BAIAP3: variants seen among roughly 807,000 people sequenced by gnomAD.
BAIAP3 encodes BAI1 associated protein 3, also known as BAI1-associated protein 3.
BAIAP3 carries 180 observed loss-of-function variants against 149.7 expected under a neutral mutation model. The ratio of observed to expected loss-of-function variants is 1.20; its 90% CI spans 1.07 to 1.36. BAIAP3 has a LOEUF of 1.36. Among genes scored for constraint, BAIAP3 ranks in the 40% most tolerant of loss-of-function variants. The pLI, the probability that BAIAP3 is intolerant of heterozygous loss-of-function variation, is 0.00. For synonymous variants in BAIAP3, 845 were observed against 670.7 expected (o/e 1.26, Z -4.02); for missense variants, 1,767 against 1,563.4 (o/e 1.13, Z -2.20).
chr16:1,342,366 T>C, intron 11 of BAIAP3, 83 bp downstream of exon 11: 3 of 1,471,372 alleles, frequency 2.0e-6, no homozygotes, highest in Non-Finnish European at 2.8e-6. Flanking sequence ...GGGCACTGCC[T>C]GGAGAAGCTC....
intron 4 of BAIAP3, 45 bp downstream of exon 4, chr16:1,339,289 G>A (rs1189361123): frequency 1.3e-6 from 2 of 1,543,138 alleles, no homozygotes; most frequent in Non-Finnish European, 1.7e-6. Context: ...TGCAGCGGCT[G>A]CTCCCTCAGC....
chr16:1,333,723 GC>G lies in BAIAP3; in HGVS notation c.-30del, dbSNP rs144673457. 76,935 of 151,426 alleles carry G rather than the reference GC, an allele frequency of 0.51. 21,177 individuals are homozygous for G. Among genetic ancestry groups the G allele is most frequent in the East Asian group, 0.79 (3,983 of 5,066 alleles). 9.4% of individuals were successfully genotyped at this position (151,426 alleles called of 1,614,324 possible). On this transcript the variant is annotated 5_prime_UTR_variant, in exon 1 of 34. Transcript: ENST00000426824. Reference sequence around the variant, plus strand: ...TGGTGCCGAGCGCAGCGCCCCAGGAGCCCCCCCATCCCCGCGCCGGCCCACG... The same window carrying G: ...TGGTGCCGAGCGCAGCGCCCCAGGAGCCCCCCATCCCCGCGCCGGCCCACG...
chr16:1,340,404 ATG>A (rs1428667845), intron 5 of BAIAP3, among the ~76,000 whole-genome samples: 2 of 99,320 alleles, frequency 2.0e-5, no homozygotes, highest in Admixed American at 1.2e-4. Context: ...GTGCACACAG[ATG>A]CACGCACATA....
rs770133039 is a variant in BAIAP3, at chr16:1,344,236, C to G, written c.1521C>G (p.Gly507=). 3 of 1,613,356 alleles carry G rather than the reference C, an allele frequency of 1.9e-6. No individual in the cohort carries two copies. The African/African-American group carries it at 4.0e-5, about 22-fold the overall frequency. The change falls in exon 17 of 34, where the codon GGC becomes GGG. Residue 507 remains glycine (G), a synonymous_variant. Transcript: ENST00000426824. The part of the protein sequence containing the change: ...HRLELLLKCL[G]KLQLFQPSFE... Reference sequence around the variant, plus strand: ...TGCTGCCCCCACCCAGGTGTCTGGGCAAGCTGCAGCTCTTCCAACCCTCCT... The same window carrying G: ...TGCTGCCCCCACCCAGGTGTCTGGGGAAGCTGCAGCTCTTCCAACCCTCCT...
At position 1,345,794 on chromosome 16, in the gene BAIAP3, T is replaced by A. The variant is rs765028461; in HGVS notation, c.2112T>A (p.Thr704=). 1 of 1,569,182 alleles carries A rather than the reference T, an allele frequency of 6.4e-7. No homozygotes were observed. Among genetic ancestry groups the A allele is most frequent in the Non-Finnish European group, 8.6e-7 (1 of 1,162,680 alleles). ...CCAGGCACAGCAGCTCCGCAGCCACTGCTGGTCTCTGCCTCAGCCACATCC... is the reference window on the plus strand; with the variant it reads ...CCAGGCACAGCAGCTCCGCAGCCACAGCTGGTCTCTGCCTCAGCCACATCC... ...ASSRHSSSAA[T]AGLCLSHIQE... is the part of the protein sequence containing the mutation. The change falls in exon 23 of 34, where the codon ACT becomes ACA. Residue 704 remains threonine, a synonymous_variant. Coordinates refer to ENST00000426824, the MANE Select transcript of BAIAP3 (RefSeq NM_001199097.2).
Position 1,336,369 on chromosome 16 carries a change from A to C in BAIAP3, c.-10-2171A>C, listed in dbSNP as rs180784689. 1,363 of 985,370 alleles carry C rather than the reference A, an allele frequency of 1.4e-3. 5 individuals carry two copies. The highest frequency in any genetic ancestry group is 1.8e-3 in the Admixed American group (29 of 16,272). 61.0% of individuals were successfully genotyped at this position (985,370 alleles called of 1,614,324 possible). ...CCCCCATCTTTTGGGGGGGAGGCTCACAGGGGAAGGCACTGATAGGTTTGA... is the reference window on the plus strand; with the variant it reads ...CCCCCATCTTTTGGGGGGGAGGCTCCCAGGGGAAGGCACTGATAGGTTTGA... On this transcript the variant is annotated intron_variant, in intron 1 of 33. Coordinates refer to ENST00000426824, the MANE Select transcript of BAIAP3 (RefSeq NM_001199097.2).
Position 1,342,980 on chromosome 16 carries a change from C to G in BAIAP3, c.1229C>G (p.Ala410Gly), listed in dbSNP as rs745523128. The G allele has an allele frequency of 6.2e-7, 1 of 1,611,342 alleles. No homozygotes were observed. Among genetic ancestry groups the G allele is most frequent in the Non-Finnish European group, 8.5e-7 (1 of 1,179,968 alleles). ...PAATILCLHG[A>G]QSNLSPLQLA... ...GCCACCATCCTCTGCCTGCACGGAG[C>G]CCAGAGCAACCTGTCACCCTTGCAG... The change falls in exon 14 of 34, where the codon GCC (alanine) becomes GGC (glycine). Residue 410 changes from alanine to glycine, a missense_variant. Transcript: ENST00000426824.
Position 1,346,622 on chromosome 16 carries a change from G to T in BAIAP3, c.2580G>T (p.Met860Ile). 1 of 1,483,034 alleles carries T rather than the reference G, an allele frequency of 6.7e-7. No individual in the cohort carries two copies. The highest frequency in any genetic ancestry group is 9.0e-7 in the Non-Finnish European group (1 of 1,106,070). The allele number at this position is 1,483,034 out of a possible 1,614,324, so 91.9% of individuals were successfully genotyped here. A position where few individuals can be genotyped will look rare whatever the true frequency, so the allele number is the denominator to read the frequency against. ...IQNDEAVAPL[M>I]KYLDEKLALL... is the part of the protein sequence containing the mutation. Reference sequence around the variant, plus strand: ...GCCCGCAGGCCGTGGCCCCGCTCATGAAGTACCTGGATGAGAAGCTGGCCC... The same window carrying T: ...GCCCGCAGGCCGTGGCCCCGCTCATTAAGTACCTGGATGAGAAGCTGGCCC... Residue 860 changes from methionine (M) to isoleucine (I), a missense_variant, in exon 27 of 34, where the codon ATG becomes ATT. Physicochemically the swap from Met to Ile is conservative, Grantham distance 10 (BLOSUM62 1). Transcript: ENST00000426824.
chr16:1,341,873 G>T lies in BAIAP3; in HGVS notation c.776+7G>T, dbSNP rs569479086. On this transcript the variant is annotated splice_region_variant and intron_variant, in intron 9 of 33. Transcript: ENST00000426824. ...AGCTGCACCTGGACATCTGGTACAGGCCCCTGCGCCATGCAGGGCGGCGGG... is the reference window on the plus strand; with the variant it reads ...AGCTGCACCTGGACATCTGGTACAGTCCCCTGCGCCATGCAGGGCGGCGGG... 6.2e-7 allele frequency: 1 copy of T among 1,610,922 alleles called. No individual in the cohort carries two copies. Among genetic ancestry groups the T allele is most frequent in the Non-Finnish European group, 8.5e-7 (1 of 1,179,262 alleles).
rs769222946 is a variant in BAIAP3 at position 1,342,931 on chromosome 16, C to T, written c.1180C>T (p.Arg394Ter). ...SAEEPNSSSW[R>*]GELSTPAATI... is the part of the protein sequence containing the mutation. ...CCCCCAGCCCAACTCCAGCAGCTGGCGAGGAGAGCTCAGCACACCAGCCGC... is the reference window on the plus strand; with the variant it reads ...CCCCCAGCCCAACTCCAGCAGCTGGTGAGGAGAGCTCAGCACACCAGCCGC... The change falls in exon 14 of 34, where the codon CGA becomes TGA. Residue 394 changes from arginine (R) to a stop codon, truncating the protein, a stop_gained. Transcript: ENST00000426824. LOFTEE classifies it high-confidence loss of function. 6.2e-7 allele frequency: 1 copy of T among 1,612,220 alleles called. No individual in the cohort carries two copies. The highest frequency in any genetic ancestry group is 8.5e-7 in the Non-Finnish European group (1 of 1,179,976).
intron 19 of BAIAP3, 48 bp from the exon 20 acceptor site, chr16:1,344,750 G>A (rs377075715): frequency 2.0e-5 from 27 of 1,355,016 alleles, no homozygotes; most frequent in Non-Finnish European, 2.7e-5. Context: ...AGCCAACAGG[G>A]CCTGCAGGTG....
chr16:1,344,517 C>G lies in BAIAP3; in HGVS notation c.1651C>G (p.Arg551Gly), dbSNP rs772185084. Reference protein sequence around the residue: ...YDRILNDKSPREQPGPQRLPG... With the variant: ...YDRILNDKSPGEQPGPQRLPG... Reference sequence around the variant, plus strand: ...CAGGATCCTGAATGACAAGAGTCCCCGAGAGCAGGTGCAGTTGTGGGGGAC... The same window carrying G: ...CAGGATCCTGAATGACAAGAGTCCCGGAGAGCAGGTGCAGTTGTGGGGGAC... The change falls in exon 18 of 34, where the codon CGA becomes GGA. Residue 551 changes from arginine (R) to glycine (G), a missense_variant. Arg to Gly is a moderately radical substitution (Grantham distance 125, BLOSUM62 -2). Coordinates refer to ENST00000426824, the MANE Select transcript of BAIAP3 (RefSeq NM_001199097.2). 6.2e-7 allele frequency: 1 copy of G among 1,612,970 alleles called. No individual in the cohort carries two copies. Among genetic ancestry groups the G allele is most frequent in the South Asian group, 1.1e-5 (1 of 91,050 alleles).
intron 1 of BAIAP3, chr16:1,334,449 C>T: frequency 1.7e-6 from 1 of 576,558 alleles, no homozygotes; most frequent in Non-Finnish European, 3.1e-6. Flanking sequence ...AAGGGGGTGC[C>T]GCGAGGCGGG....
chr16:1,345,225 G>A lies in BAIAP3; in HGVS notation c.1941-24G>A, dbSNP rs754159213. On this transcript the variant is annotated intron_variant, in intron 21 of 33. Transcript: ENST00000426824. ...GTTAAGGTGTCTGAGTCAGGGCCGA[G>A]CCCTCACAACCCTCCCACCACAGGG... 23 of 1,611,452 alleles carry A rather than the reference G, an allele frequency of 1.4e-5. No individual in the cohort carries two copies. In the South Asian group the frequency reaches 1.5e-4, roughly 11 times the overall value.
Position 1,348,803 on chromosome 16 carries a change from CTGGGTGG to C in BAIAP3, c.*322_*328del. 2.1e-6 allele frequency: 1 copy of C among 482,856 alleles called. No individual in the cohort carries two copies. The highest frequency in any genetic ancestry group is 2.5e-5 in the South Asian group (1 of 39,708). The allele number at this position is 482,856 out of a possible 1,614,324, so 29.9% of individuals were successfully genotyped here. On this transcript the variant is annotated 3_prime_UTR_variant, in exon 34 of 34. Transcript: ENST00000426824. ...GCCCGCTTCCTTGGGCTCCCCGGCC[CTGGGTGG>C]GCGGTGGGCAGCTGGTCTCCAGGGA...
rs1023797286 is a variant in BAIAP3 at position 1,347,121 on chromosome 16, G to T, written c.2751+166G>T. The T allele has an allele frequency of 8.0e-6, 7 of 876,638 alleles. No individual in the cohort carries two copies. In the African/African-American group the frequency reaches 1.2e-4, roughly 15 times the overall value. The allele number at this position is 876,638 out of a possible 1,614,324, so 54.3% of individuals were successfully genotyped here. ...TTAATGCCGAGGTGTGGCCTCTGGT[G>T]ATGGCCTTTCCCCACGCTTCCTGGG... On this transcript the variant is annotated intron_variant, in intron 28 of 33. Coordinates refer to ENST00000426824, the MANE Select transcript of BAIAP3 (RefSeq NM_001199097.2).
intron 1 of BAIAP3, among the ~76,000 whole-genome samples, chr16:1,338,018 T>G (rs115605883): frequency 0.016 from 2,437 of 152,294 alleles, 58 homozygotes; most frequent in African/African-American, 0.053. Context: ...CCACCCAGGA[T>G]GTCAGGGTTC....
chr16:1,339,306 G>C (rs1386648153), intron 4 of BAIAP3, 62 bp downstream of exon 4: 1 of 1,538,514 alleles, frequency 6.5e-7, no homozygotes, highest in Non-Finnish European at 8.7e-7. Flanking sequence ...CAGCCGTTTA[G>C]AGGCACCTAC....
chr16:1,348,103 C>T lies in BAIAP3; in HGVS notation c.3157C>T (p.Pro1053Ser), dbSNP rs1199631032. The T allele has an allele frequency of 1.2e-6, 2 of 1,602,758 alleles. No homozygotes were observed. Among genetic ancestry groups the T allele is most frequent in the Non-Finnish European group, 1.7e-6 (2 of 1,179,298 alleles). Residue 1053 changes from proline (P) to serine (S), a missense_variant, in exon 33 of 34, where the codon CCT (proline) becomes TCT (serine). Pro to Ser is a moderately conservative substitution (Grantham distance 74). Coordinates refer to ENST00000426824, the MANE Select transcript of BAIAP3 (RefSeq NM_001199097.2). ...VYDELFYFSVPAEACRRRAAC... is the reference protein window; with the variant it reads ...VYDELFYFSVSAEACRRRAAC... ...ACTGGCCTCTGTCCGCAGTTCCGTGCCTGCCGAGGCGTGCCGCCGCCGCGC... is the reference window on the plus strand; with the variant it reads ...ACTGGCCTCTGTCCGCAGTTCCGTGTCTGCCGAGGCGTGCCGCCGCCGCGC...
Sources: gnomAD v4.1 joint callset for allele counts (sites outside exome capture counted in the v4.1 genomes callset) on GRCh38, gnomAD v4.1.1 for gene constraint, MANE v1.5 for transcripts, NCBI Gene and HGNC (gene_info 2026-07-23, HGNC 2026-07-21) for gene names.